SCGN: variants seen among roughly 807,000 people sequenced by gnomAD.
SCGN encodes the protein secretagogin, EF-hand calcium binding protein.
SCGN carries 30 observed loss-of-function variants against 39.7 expected under a neutral mutation model. That is an observed-to-expected ratio of 0.76 (90% CI 0.57 to 1.03). The LOEUF is 1.03. SCGN is among the 50% of genes least tolerant of loss of function. The pLI, the probability that SCGN is intolerant of heterozygous loss-of-function variation, is 0.00. For synonymous variants in SCGN, 106 were observed against 114.1 expected (o/e 0.93, Z 0.45); for missense variants, 353 against 349.4 (o/e 1.01, Z -0.08).
At chr6:25,661,471 G>C in intron 2 of SCGN, 81 bp from the exon 3 acceptor site, 2 of 950,132 alleles carry the variant, frequency 2.1e-6, no homozygotes, top group Non-Finnish European at 3.4e-6. Context: ...TTTTCACGCT[G>C]TATATTTTGA....
At chr6:25,689,603 A>G in intron 9 of SCGN, 71 bp downstream of exon 9, 1 of 1,283,192 alleles carries the variant, frequency 7.8e-7, no homozygotes, top group South Asian at 1.2e-5. Flanking sequence ...ATGTGGAGCC[A>G]TCTTACCCAA....
chr6:25,674,604 C>T (rs1017676072), intron 6 of SCGN, among the ~76,000 whole-genome samples: 1 of 152,194 alleles, frequency 6.6e-6, no homozygotes, highest in Non-Finnish European at 1.5e-5. Flanking sequence ...GGTTTAGCAT[C>T]AAATGCTTTA....
intron 2 of SCGN, among the ~76,000 whole-genome samples, chr6:25,658,272 C>G (rs1170932160): frequency 2.0e-5 from 3 of 151,636 alleles, no homozygotes; most frequent in Admixed American, 2.0e-4. Context: ...ATCTCCTGCC[C>G]TCGTGATCCA....
intron 4 of SCGN, among the ~76,000 whole-genome samples, chr6:25,667,468 C>CCACAG (rs1001549553): frequency 1.3e-5 from 2 of 152,134 alleles, no homozygotes; most frequent in Admixed American, 1.3e-4. Flanking sequence ...TTCCCCTGAA[C>CCACAG]CACAGGGTCT....
At chr6:25,661,701 T>G in intron 3 of SCGN, 57 bp downstream of exon 3, 1 of 1,144,842 alleles carries the variant, frequency 8.7e-7, no homozygotes, top group Non-Finnish European at 1.3e-6. Context: ...TTTTTTTCTT[T>G]ACTTTATCGT....
chr6:25,677,160 T>G (rs563707289), intron 6 of SCGN, among the ~76,000 whole-genome samples: 5 of 152,160 alleles, frequency 3.3e-5, no homozygotes, highest in Non-Finnish European at 5.9e-5. Flanking sequence ...TCTCTCTACC[T>G]CATGTCCAAA....
chr6:25,701,232 A>G lies in SCGN; in HGVS notation c.728A>G (p.Asp243Gly). ...CCCAGCATCAGCGGGGTGGACCTTG[A>G]TAAGTTCCGCGAGATTCTCCTGCGT... ...VQPSISGVDL[D>G]KFREILLRHC... is the part of the protein sequence containing the mutation. The change falls in exon 11 of 11, where the codon GAT becomes GGT. Residue 243 changes from aspartate to glycine, a missense_variant. Transcript: ENST00000377961. The G allele has an allele frequency of 6.2e-7, 1 of 1,613,112 alleles. No homozygotes were observed. The highest frequency in any genetic ancestry group is 8.5e-7 in the Non-Finnish European group (1 of 1,179,606).
chr6:25,678,738 G>T (rs1759597300), intron 6 of SCGN: 1 of 152,308 alleles, frequency 6.6e-6, no homozygotes. Flanking sequence ...CATCCGGAGT[G>T]CTGTGGCAGT....
At chr6:25,667,253 G>C (rs1760438747) in intron 4 of SCGN, among the ~76,000 whole-genome samples, 1 of 152,064 alleles carries the variant, frequency 6.6e-6, no homozygotes, top group Admixed American at 6.6e-5. Flanking sequence ...CCCTATGGAG[G>C]CTTCTTATCT....
intron 6 of SCGN, among the ~76,000 whole-genome samples, chr6:25,670,961 G>A (rs1205140554): frequency 1.3e-5 from 2 of 152,072 alleles, no homozygotes; most frequent in African/African-American, 4.8e-5. Context: ...AAAATCTTCA[G>A]GTTTCTTAAT....
chr6:25,662,279 C>A (rs188872208), intron 3 of SCGN, among the ~76,000 whole-genome samples: 124 of 152,230 alleles, frequency 8.1e-4, no homozygotes, highest in Middle Eastern at 3.4e-3. Flanking sequence ...ATTGTATTCC[C>A]ATAGTAGTTA....
Position 25,652,247 on chromosome 6 carries a change from C to A in SCGN, c.-157C>A. ...GCTGAGGGACGGCTCAGCGACGCCACGGCCAGCAGCGCTCGCGTCCTCCCC... is the reference window on the plus strand; with the variant it reads ...GCTGAGGGACGGCTCAGCGACGCCAAGGCCAGCAGCGCTCGCGTCCTCCCC... On this transcript the variant is annotated 5_prime_UTR_variant, in exon 1 of 11. Coordinates refer to ENST00000377961, the MANE Select transcript of SCGN (RefSeq NM_006998.4). 1 of 630,846 alleles carries A rather than the reference C, an allele frequency of 1.6e-6. No individual in the cohort carries two copies. Among genetic ancestry groups the A allele is most frequent in the Non-Finnish European group, 2.8e-6 (1 of 360,884 alleles). The allele number at this position is 630,846 out of a possible 1,614,324, so 39.1% of individuals were successfully genotyped here. A position where few individuals can be genotyped will look rare whatever the true frequency, so the allele number is the denominator to read the frequency against.
At chr6:25,669,382 A>C in intron 4 of SCGN, 129 bp from the exon 5 acceptor site, 3 of 786,736 alleles carry the variant, frequency 3.8e-6, no homozygotes, top group Non-Finnish European at 4.1e-6. Context: ...AGAAAGCCTA[A>C]AGTTTCCATC....
chr6:25,695,891 C>A (rs1233412815), intron 10 of SCGN, among the ~76,000 whole-genome samples: 1 of 152,196 alleles, frequency 6.6e-6, no homozygotes, highest in Non-Finnish European at 1.5e-5. Context: ...ACACAAGAAT[C>A]TACAGCTTAA....
At position 25,701,502 on chromosome 6, in the gene SCGN, C is replaced by G. The variant is rs1759913017; in HGVS notation, c.*167C>G. On this transcript the variant is annotated 3_prime_UTR_variant, in exon 11 of 11. Coordinates refer to ENST00000377961, the MANE Select transcript of SCGN (RefSeq NM_006998.4). ...CCTTCCTTCCACCGGCGTGATCTAT[C>G]CCTGTCTCACTGAAAGCCCCTGTGT... 6.8e-6 allele frequency: 5 copies of G among 740,304 alleles called. No homozygotes were observed. Among genetic ancestry groups the G allele is most frequent in the South Asian group, 5.7e-5 (3 of 52,184 alleles). The allele number at this position is 740,304 out of a possible 1,614,324, so 45.9% of individuals were successfully genotyped here.
rs1044327357 is a variant in SCGN, at chr6:25,681,844, C to T, written c.472-107C>T. ...CCCCCAGGCAAGTGGGCTCCTCAGC[C>T]AATTTAGGCAAATATGTAATCAGAA... is the stretch of plus-strand genomic sequence containing the variant. On this transcript the variant is annotated intron_variant, in intron 6 of 10. Coordinates refer to ENST00000377961, the MANE Select transcript of SCGN (RefSeq NM_006998.4). 10 of 904,250 alleles carry T rather than the reference C, an allele frequency of 1.1e-5. No individual in the cohort carries two copies. In the African/African-American group the frequency reaches 1.3e-4, roughly 12 times the overall value. The allele number at this position is 904,250 out of a possible 1,614,324, so 56.0% of individuals were successfully genotyped here.
At chr6:25,670,929 A>G (rs1029831395) in intron 6 of SCGN, among the ~76,000 whole-genome samples, 5 of 152,134 alleles carry the variant, frequency 3.3e-5, no homozygotes, top group Non-Finnish European at 7.4e-5. Context: ...TCTCATCCCT[A>G]CGTGAGTGCT....
chr6:25,655,261 A>T (rs1330109352), intron 2 of SCGN, among the ~76,000 whole-genome samples: 1 of 152,216 alleles, frequency 6.6e-6, no homozygotes, highest in African/African-American at 2.4e-5. Context: ...TGTTCTAGTC[A>T]TTTATAAAAG....
intron 7 of SCGN, among the ~76,000 whole-genome samples, chr6:25,683,185 C>T (rs149847200): frequency 3.1e-4 from 47 of 152,274 alleles, no homozygotes; most frequent in East Asian, 2.5e-3. Flanking sequence ...ATCAGGCCTG[C>T]GGCAGAAGGC....
Sources: allele counts gnomAD v4.1 joint callset (sites outside exome capture counted in the v4.1 genomes callset), GRCh38; gene constraint gnomAD v4.1.1; transcripts MANE v1.5; gene names NCBI Gene and HGNC (gene_info 2026-07-23, HGNC 2026-07-21).